Variants in CAST observed in about 807,000 individuals in gnomAD.
The protein encoded by CAST is MIR583 host.
A neutral mutation model predicts 119.6 loss-of-function variants in CAST; 76 were observed. The ratio of observed to expected loss-of-function variants is 0.64; its 90% CI spans 0.53 to 0.77. The LOEUF is 0.77. CAST is among the 30% of genes least tolerant of loss of function. CAST has a pLI of 0.00. For missense variants in CAST, 953 were observed against 946.5 expected (o/e 1.01, Z -0.09); for synonymous variants, 319 against 331.6 (o/e 0.96, Z 0.41).
chr5:95,999,916 C>G, the CAST span, among the ~76,000 whole-genome samples: 1 of 152,252 alleles, frequency 6.6e-6, no homozygotes, highest in East Asian at 1.9e-4. Context: ...GCAACATTTG[C>G]TATTGTCGCC....
chr5:96,112,306 G>T, the CAST span, among the ~76,000 whole-genome samples: 1 of 152,064 alleles, frequency 6.6e-6, no homozygotes, highest in Non-Finnish European at 1.5e-5. Context: ...TAGTGATCCT[G>T]CCTGGGAAGT....
At chr5:96,154,437 AG>A in the CAST span, among the ~76,000 whole-genome samples, 4 of 152,208 alleles carry the variant, frequency 2.6e-5, no homozygotes, top group Non-Finnish European at 5.9e-5. Context: ...TAGTACAGAG[AG>A]TTCCCATATG....
the CAST span, among the ~76,000 whole-genome samples, chr5:96,355,909 C>T: frequency 1.3e-5 from 2 of 152,060 alleles, no homozygotes; most frequent in Non-Finnish European, 2.9e-5. Context: ...ACCATTTTGG[C>T]CAGGATGTTC....
chr5:96,751,211 G>T (rs1207099061), intron 20 of CAST, among the ~76,000 whole-genome samples: 1 of 151,734 alleles, frequency 6.6e-6, no homozygotes, highest in African/African-American at 2.4e-5. Context: ...TGATTTTAGT[G>T]TTTTTTTTCC....
At chr5:96,255,818 C>CT in the CAST span, among the ~76,000 whole-genome samples, 1 of 152,072 alleles carries the variant, frequency 6.6e-6, no homozygotes, top group Non-Finnish European at 1.5e-5. Context: ...ATAATTAAGG[C>CT]TGTACTTTAG....
chr5:96,150,832 T>C, the CAST span, among the ~76,000 whole-genome samples: 19 of 152,024 alleles, frequency 1.2e-4, no homozygotes, highest in Non-Finnish European at 2.2e-4. Context: ...GAAAACCCCA[T>C]AAAGAGCAGG....
intron 1 of CAST, among the ~76,000 whole-genome samples, chr5:96,619,621 C>T (rs760001741): frequency 1.5e-4 from 23 of 152,210 alleles, no homozygotes; most frequent in Non-Finnish European, 2.9e-4. Flanking sequence ...CTGTAACGCT[C>T]ACTGCGAAGG....
chr5:96,694,500 A>G (rs1753062916), intron 2 of CAST, among the ~76,000 whole-genome samples: 2 of 152,240 alleles, frequency 1.3e-5, no homozygotes, highest in South Asian at 4.1e-4. Context: ...GCGTGGTGGC[A>G]TGTGCCTGTA....
intron 3 of CAST, among the ~76,000 whole-genome samples, chr5:96,708,795 A>C (rs561402004): frequency 2.0e-4 from 30 of 152,264 alleles, no homozygotes; most frequent in Non-Finnish European, 4.0e-4. Flanking sequence ...CGAGGTGCAA[A>C]AGAGGATAAA....
chr5:96,493,168 A>G, the CAST span, among the ~76,000 whole-genome samples: 1 of 152,250 alleles, frequency 6.6e-6, no homozygotes, highest in Non-Finnish European at 1.5e-5. Flanking sequence ...AGTGGTTACC[A>G]TTCAGGAAGT....
intron 1 of CAST, among the ~76,000 whole-genome samples, chr5:96,549,884 T>C (rs1048836789): frequency 6.6e-6 from 1 of 152,086 alleles, no homozygotes; most frequent in Non-Finnish European, 1.5e-5. Flanking sequence ...ATCCTCACAA[T>C]GTAAACAAAG....
At chr5:96,308,058 G>T in the CAST span, among the ~76,000 whole-genome samples, 3 of 152,246 alleles carry the variant, frequency 2.0e-5, no homozygotes, top group East Asian at 1.9e-4. Flanking sequence ...TTCCAACTTG[G>T]TTCCATTCTC....
At chr5:96,051,224 G>A in the CAST span, among the ~76,000 whole-genome samples, 3 of 152,140 alleles carry the variant, frequency 2.0e-5, no homozygotes, top group Non-Finnish European at 4.4e-5. Context: ...GACACACAGA[G>A]AGAGAGAGAG....
chr5:96,165,213 T>C, the CAST span, among the ~76,000 whole-genome samples: 1 of 151,950 alleles, frequency 6.6e-6, no homozygotes, highest in African/African-American at 2.4e-5. Flanking sequence ...GACAGTGTCT[T>C]TGGGGCCTTG....
intron 1 of CAST, 52 bp downstream of exon 1, chr5:96,662,549 C>G: frequency 7.5e-7 from 1 of 1,330,616 alleles, no homozygotes; most frequent in Non-Finnish European, 9.6e-7. Context: ...GGTACCGGGT[C>G]CCGGAGCTGT....
chr5:96,602,377 C>T (rs1368258236), intron 1 of CAST, among the ~76,000 whole-genome samples: 1 of 152,212 alleles, frequency 6.6e-6, no homozygotes, highest in African/African-American at 2.4e-5. Flanking sequence ...GTCCTGCCCT[C>T]ATAAAGCTTA....
chr5:96,681,459 C>T (rs951680748), intron 2 of CAST, among the ~76,000 whole-genome samples: 11 of 151,928 alleles, frequency 7.2e-5, no homozygotes, highest in Non-Finnish European at 1.3e-4. Context: ...ATGGGCCGGG[C>T]GCGGTGGCTC....
chr5:96,501,111 C>T, the CAST span, among the ~76,000 whole-genome samples: 1 of 152,156 alleles, frequency 6.6e-6, no homozygotes, highest in Non-Finnish European at 1.5e-5. Context: ...ACCCTGAAAA[C>T]TTCGGCAGAA....
chr5:95,997,718 A>G, the CAST span, among the ~76,000 whole-genome samples: 16 of 152,216 alleles, frequency 1.1e-4, no homozygotes, highest in African/African-American at 3.4e-4. Flanking sequence ...TTTTCCAGGA[A>G]GACTTTCTGG....
Sources: allele counts gnomAD v4.1 joint callset (sites outside exome capture counted in the v4.1 genomes callset), GRCh38; gene constraint gnomAD v4.1.1; transcripts MANE v1.5; gene names NCBI Gene and HGNC (gene_info 2026-07-23, HGNC 2026-07-21).